WWP2: variants seen among roughly 807,000 people sequenced by gnomAD.
WWP2 encodes NEDD4-like E3 ubiquitin-protein ligase WWP2.
WWP2 carries 57 observed loss-of-function variants against 121.0 expected under a neutral mutation model. The observed-to-expected ratio is 0.47, with a 90% CI of 0.38 to 0.59. The LOEUF (loss-of-function observed/expected upper bound fraction) is 0.59. WWP2 is among the 20% of genes least tolerant of loss of function. WWP2 has a pLI of 0.00. For synonymous variants in WWP2, 449 were observed against 441.3 expected (o/e 1.02, Z -0.22); for missense variants, 962 against 1,158.9 (o/e 0.83, Z 2.47).
chr16:69,822,194 A>C (rs1197730855), intron 4 of WWP2, among the ~76,000 whole-genome samples: 1 of 151,982 alleles, frequency 6.6e-6, no homozygotes, highest in African/African-American at 2.4e-5. Context: ...CTTAGACTTA[A>C]GAGTTTCTTC....
chr16:69,838,833 C>T, intron 4 of WWP2: 5 of 985,416 alleles, frequency 5.1e-6, no homozygotes, highest in Non-Finnish European at 6.0e-6. Context: ...AGATCCATGG[C>T]AGGGAAGAGA....
At chr16:69,939,209 AC>A in intron 22 of WWP2, 86 bp downstream of exon 22, 1 of 1,558,304 alleles carries the variant, frequency 6.4e-7, no homozygotes, top group Non-Finnish European at 8.8e-7. Flanking sequence ...TCCTGGAAGC[AC>A]GTCAGTGGGA....
intron 9 of WWP2, among the ~76,000 whole-genome samples, chr16:69,914,758 A>G (rs1009240081): frequency 6.6e-6 from 1 of 152,210 alleles, no homozygotes; most frequent in Non-Finnish European, 1.5e-5. Context: ...CCTGTCTCAA[A>G]GAAACAAAAA....
chr16:69,915,432 G>A (rs1167603383), intron 9 of WWP2, among the ~76,000 whole-genome samples: 1 of 152,170 alleles, frequency 6.6e-6, no homozygotes, highest in Non-Finnish European at 1.5e-5. Flanking sequence ...GAAATAATGA[G>A]CCAGGCTTGG....
At chr16:69,843,330 A>G (rs2057013926) in intron 6 of WWP2, among the ~76,000 whole-genome samples, 2 of 151,976 alleles carry the variant, frequency 1.3e-5, no homozygotes. Context: ...CCCATTTTAT[A>G]CCTGTGTTAG....
chr16:69,818,674 C>T (rs963470374), intron 4 of WWP2, among the ~76,000 whole-genome samples: 1 of 152,128 alleles, frequency 6.6e-6, no homozygotes, highest in Non-Finnish European at 1.5e-5. Context: ...TCCTGCTTGA[C>T]ATATGTTCTG....
Position 69,935,787 on chromosome 16 carries a change from C to A in WWP2, c.1843-66C>A. 1 of 1,549,210 alleles carries A rather than the reference C, an allele frequency of 6.5e-7. No homozygotes were observed. The highest frequency in any genetic ancestry group is 8.7e-7 in the Non-Finnish European group (1 of 1,151,310). ...GGTAGCAGAGTTTGATACCGAGCAT[C>A]TGAGAGCTGGTCTTGGCAGTGCCCA... On this transcript the variant is annotated intron_variant, in intron 17 of 23. Coordinates refer to ENST00000359154, the MANE Select transcript of WWP2 (RefSeq NM_001270454.2). This position sits in a 1 kb window ranked among gnomAD's most constrained non-coding sequence, Gnocchi z 5.2.
At chr16:69,790,312 A>G (rs2055881444) in intron 2 of WWP2, among the ~76,000 whole-genome samples, 1 of 152,224 alleles carries the variant, frequency 6.6e-6, no homozygotes, top group South Asian at 2.1e-4. Flanking sequence ...CATGTATTAT[A>G]TACTGTATTT....
chr16:69,873,891 G>C (rs975571482), intron 7 of WWP2, among the ~76,000 whole-genome samples: 1 of 152,164 alleles, frequency 6.6e-6, no homozygotes, highest in African/African-American at 2.4e-5. Context: ...GTCACTCTTG[G>C]ACATTTCAAT....
chr16:69,924,879 T>C, intron 10 of WWP2: 1 of 970,828 alleles, frequency 1.0e-6, no homozygotes, highest in African/African-American at 1.8e-5. Flanking sequence ...AGATGGGAGG[T>C]TGGGGGGGAC....
chr16:69,879,992 A>AC (rs1176515763), intron 7 of WWP2, among the ~76,000 whole-genome samples: 5 of 150,220 alleles, frequency 3.3e-5, no homozygotes, highest in Non-Finnish European at 5.9e-5. Context: ...AAAATGAGAT[A>AC]CTTTTTTTTT....
chr16:69,860,341 G>A (rs1249758769), intron 6 of WWP2, among the ~76,000 whole-genome samples: 3 of 152,114 alleles, frequency 2.0e-5, no homozygotes, highest in African/African-American at 7.2e-5. Flanking sequence ...TCCTACTGTG[G>A]GCCAGGCACA....
At chr16:69,820,901 C>T (rs145666924) in intron 4 of WWP2, among the ~76,000 whole-genome samples, 14 of 152,102 alleles carry the variant, frequency 9.2e-5, no homozygotes, top group Admixed American at 2.0e-4. Context: ...TGAGGATGAA[C>T]GTCTTTTCCT....
intron 4 of WWP2, among the ~76,000 whole-genome samples, chr16:69,816,909 C>T: frequency 6.6e-6 from 1 of 152,154 alleles, no homozygotes; most frequent in East Asian, 1.9e-4. Context: ...TGGAGAGATG[C>T]TATGTAACTT....
In WWP2 at chr16:69,791,745, C is replaced by T. The variant is rs534499735; in HGVS notation, c.70+4665C>T. Among the ~76,000 whole-genome samples the T allele has an allele frequency of 4.1e-4, 62 of 152,132 alleles. 1 individual carries two copies. Among genetic ancestry groups the T allele is most frequent in the African/African-American group, 1.5e-3 (62 of 41,490 alleles). ...GTGCTGTCCAGGCTGGTTTCAAACT[C>T]CTGGACTCAAGCAGTTCTCCCACCT... On this transcript the variant is annotated intron_variant, in intron 2 of 23. Transcript: ENST00000359154.
chr16:69,939,696 C>T (rs866373374), intron 23 of WWP2, 145 bp from the exon 24 acceptor site: 10 of 750,738 alleles, frequency 1.3e-5, no homozygotes, highest in Non-Finnish European at 2.1e-5. Flanking sequence ...GGTCCAGGCA[C>T]CTGCAATGTG....
rs769333666 is a variant in WWP2, at chr16:69,939,920, G to T, written c.2593G>T (p.Glu865Ter). 6.2e-7 allele frequency: 1 copy of T among 1,613,680 alleles called. No individual in the cohort carries two copies. The highest frequency in any genetic ancestry group is 1.3e-5 in the African/African-American group (1 of 74,916). ...GCTGCTGTATGCCATTGAGGAGACC[G>T]AGGGCTTTGGACAGGAGTAACCGAG... ...EKLLYAIEETEGFGQE is the reference protein window; with the variant it reads ...EKLLYAIEET The change falls in exon 24 of 24, where the codon GAG becomes TAG. Residue 865 changes from glutamate to a stop codon, truncating the protein, a stop_gained. Transcript: ENST00000359154. LOFTEE classifies it high-confidence loss of function.
At chr16:69,806,651 T>C (rs1442120282) in intron 4 of WWP2, among the ~76,000 whole-genome samples, 2 of 152,200 alleles carry the variant, frequency 1.3e-5, no homozygotes, top group Admixed American at 1.3e-4. Flanking sequence ...ACTCATTTTT[T>C]TCTGAGAAAA....
intron 17 of WWP2, among the ~76,000 whole-genome samples, chr16:69,934,739 T>C (rs2058769788): frequency 6.6e-6 from 1 of 150,654 alleles, no homozygotes; most frequent in Non-Finnish European, 1.5e-5. Flanking sequence ...ACAAGTCCTA[T>C]GCAAAGCAAC....
Sources: allele counts gnomAD v4.1 joint callset (sites outside exome capture counted in the v4.1 genomes callset), GRCh38; gene constraint gnomAD v4.1.1; non-coding constraint Gnocchi (gnomAD v3.1); transcripts MANE v1.5; gene names NCBI Gene and HGNC (gene_info 2026-07-23, HGNC 2026-07-21).